The following BMP7 variants were observed in gnomAD, a reference collection of about 807,000 sequenced individuals.
BMP7 encodes osteogenic protein 1.
In BMP7, 12 loss-of-function variants were observed where a neutral mutation model predicts 41.2. The ratio of observed to expected loss-of-function variants is 0.29; its 90% CI spans 0.19 to 0.47. The LOEUF is 0.47. Among genes scored for constraint, BMP7 ranks in the 20% least tolerant of loss-of-function variants. BMP7 has a pLI of 0.99. For missense variants in BMP7, 467 were observed against 606.0 expected, an observed-to-expected ratio of 0.77 and a Z score of 2.41; for synonymous variants, 248 against 250.0, an observed-to-expected ratio of 0.99 and a Z score of 0.07.
At chr20:57,225,102 G>A (rs1175234785) in intron 2 of BMP7, among the ~76,000 whole-genome samples, 1 of 152,212 alleles carries the variant, frequency 6.6e-6, no homozygotes, top group Non-Finnish European at 1.5e-5. Flanking sequence ...AGCAGGGCAG[G>A]CTCTGGGCTC....
At chr20:57,199,550 C>T (rs1279721592) in intron 3 of BMP7, among the ~76,000 whole-genome samples, 2 of 152,206 alleles carry the variant, frequency 1.3e-5, no homozygotes, top group African/African-American at 2.4e-5. Flanking sequence ...AGATCCCCCA[C>T]GGTGGGTCTG....
At chr20:57,189,007 G>A (rs551947320) in intron 3 of BMP7, among the ~76,000 whole-genome samples, 67 of 152,328 alleles carry the variant, frequency 4.4e-4, no homozygotes, top group African/African-American at 1.4e-3. Context: ...TTTACAGTCA[G>A]TTCTCAACTA....
At chr20:57,191,912 ATATAT>A (rs1188521311) in intron 3 of BMP7, among the ~76,000 whole-genome samples, 5 of 132,870 alleles carry the variant, frequency 3.8e-5, no homozygotes, top group Non-Finnish European at 6.1e-5. Context: ...TATACATACT[ATATAT>A]TATATATTTT....
At chr20:57,263,920 T>C (rs1160391712) in intron 1 of BMP7, among the ~76,000 whole-genome samples, 2 of 151,816 alleles carry the variant, frequency 1.3e-5, no homozygotes, top group Non-Finnish European at 2.9e-5. Context: ...AAAATCTCTC[T>C]CCAGTTCCTG....
chr20:57,202,564 A>G lies in BMP7; in HGVS notation c.671T>C (p.Leu224Pro). 2 of 1,612,540 alleles carry G rather than the reference A, an allele frequency of 1.2e-6. No individual in the cohort carries two copies. Among genetic ancestry groups the G allele is most frequent in the Non-Finnish European group, 1.7e-6 (2 of 1,180,010 alleles). The change falls in exon 3 of 7, where the codon CTG becomes CCG. Residue 224 changes from leucine to proline, a missense_variant. Physicochemically the swap from Leu to Pro is moderately conservative, Grantham distance 98. Transcript: ENST00000395863. Reference protein sequence around the residue: ...RTLWASEEGWLVFDITATSNH... With the variant: ...RTLWASEEGWPVFDITATSNH... ...GCTGGTGGCTGTGATGTCAAACACC[A>G]GCCAGCCCTCCTCCGAGGCCCAGAG...
intron 1 of BMP7, among the ~76,000 whole-genome samples, chr20:57,235,466 G>A (rs952284665): frequency 1.3e-5 from 2 of 152,178 alleles, no homozygotes; most frequent in Non-Finnish European, 2.9e-5. Flanking sequence ...GGGAAACAGG[G>A]TATGAGGCCA....
chr20:57,173,040 A>C lies in BMP7; in HGVS notation c.1146+160T>G, dbSNP rs909394139. ...TTATACCAAACCAGTCATAAAGTAC[A>C]ATTTTTGATTTTTTTTTAACGGCGC... On this transcript the variant is annotated intron_variant, in intron 6 of 6. Coordinates refer to ENST00000395863, the MANE Select transcript of BMP7 (RefSeq NM_001719.3). The C allele has an allele frequency of 3.9e-5, 29 of 741,560 alleles. 1 individual carries two copies. The highest frequency in any genetic ancestry group is 1.2e-4 in the Admixed American group (6 of 48,686). 45.9% of individuals were successfully genotyped at this position (741,560 alleles called of 1,614,324 possible). A position where few individuals can be genotyped will look rare whatever the true frequency, so the allele number is the denominator to read the frequency against.
intron 1 of BMP7, among the ~76,000 whole-genome samples, chr20:57,246,366 T>C (rs2066090771): frequency 6.6e-6 from 1 of 152,242 alleles, no homozygotes; most frequent in Non-Finnish European, 1.5e-5. Context: ...GAAACTTTGA[T>C]AAGCAAAGAT....
intron 2 of BMP7, among the ~76,000 whole-genome samples, chr20:57,216,505 C>CGAGGGGCTGTCTCCTGAGGGT (rs1568718088): frequency 3.4e-5 from 5 of 148,534 alleles, no homozygotes; most frequent in Admixed American, 6.7e-5. Flanking sequence ...CTCCTGAGGG[C>CGAGGGGCTGTCTCCTGAGGGT]GAGGGGGCTG....
At chr20:57,244,732 A>T (rs922777602) in intron 1 of BMP7, among the ~76,000 whole-genome samples, 6 of 152,212 alleles carry the variant, frequency 3.9e-5, no homozygotes, top group Admixed American at 1.3e-4. Context: ...GCCTGCTCCC[A>T]GCCAGGCCAG....
In BMP7 at chr20:57,171,620, G is replaced by A. The variant is rs182901448; in HGVS notation, c.1147-512C>T. Among the ~76,000 whole-genome samples the A allele has an allele frequency of 7.2e-5, 11 of 152,274 alleles. No homozygotes were observed. The highest frequency in any genetic ancestry group is 1.3e-4 in the Admixed American group (2 of 15,302). On this transcript the variant is annotated intron_variant, in intron 6 of 6. Coordinates refer to ENST00000395863, the MANE Select transcript of BMP7 (RefSeq NM_001719.3). This position sits in a 1 kb window ranked among gnomAD's most constrained non-coding sequence, Gnocchi z 4.5. ...CTAAGGCAAACTAAGGGAAGAGGCC[G>A]CCACTCAACCTAAGCTGACGGCAGC...
At chr20:57,222,977 G>A (rs1985224570) in intron 2 of BMP7, among the ~76,000 whole-genome samples, 1 of 151,956 alleles carries the variant, frequency 6.6e-6, no homozygotes, top group African/African-American at 2.4e-5. Context: ...AGTCTCATGG[G>A]AAGAAGAACA....
chr20:57,241,159 C>A (rs2066067589), intron 1 of BMP7, among the ~76,000 whole-genome samples: 2 of 152,290 alleles, frequency 1.3e-5, no homozygotes, highest in South Asian at 4.2e-4. Flanking sequence ...CGTACTCTTC[C>A]CCACTCAGCC....
intron 6 of BMP7, 68 bp downstream of exon 6, chr20:57,173,132 G>T: frequency 1.3e-6 from 2 of 1,497,522 alleles, no homozygotes; most frequent in Non-Finnish European, 1.9e-6. Context: ...CTTGGAGGCA[G>T]CAGGATCTGG....
chr20:57,203,483 G>A (rs1984668419), intron 2 of BMP7, among the ~76,000 whole-genome samples: 1 of 151,908 alleles, frequency 6.6e-6, no homozygotes, highest in South Asian at 2.1e-4. Context: ...GTGGGTGGAT[G>A]GATGGATGGA....
At chr20:57,192,305 T>A (rs929642698) in intron 3 of BMP7, among the ~76,000 whole-genome samples, 1 of 139,552 alleles carries the variant, frequency 7.2e-6, no homozygotes, top group Non-Finnish European at 1.5e-5. Context: ...ATATTATATA[T>A]AAAATATAGA....
chr20:57,194,141 C>T (rs568867025), intron 3 of BMP7, among the ~76,000 whole-genome samples: 7 of 152,360 alleles, frequency 4.6e-5, no homozygotes, highest in South Asian at 2.1e-4. Context: ...AAACATCCTT[C>T]CTCCTTGCCT....
intron 4 of BMP7, 151 bp from the exon 5 acceptor site, chr20:57,175,158 G>A: frequency 1.2e-6 from 1 of 828,292 alleles, no homozygotes; most frequent in Non-Finnish European, 2.0e-6. Context: ...GCCAGTTCGA[G>A]GGTCTAACTG....
At chr20:57,182,461 G>A (rs966079446) in intron 4 of BMP7, among the ~76,000 whole-genome samples, 4 of 152,260 alleles carry the variant, frequency 2.6e-5, no homozygotes, top group African/African-American at 9.6e-5. Context: ...TCCTGTGGGG[G>A]CTCCACGAAT....
Sources: allele counts gnomAD v4.1 joint callset (sites outside exome capture counted in the v4.1 genomes callset), GRCh38; gene constraint gnomAD v4.1.1; non-coding constraint Gnocchi (gnomAD v3.1); transcripts MANE v1.5; gene names NCBI Gene and HGNC (gene_info 2026-07-23, HGNC 2026-07-21).